Variants in USP37 observed in about 807,000 individuals in gnomAD.
The protein encoded by USP37 is ubiquitin carboxyl-terminal hydrolase 37.
Under a neutral mutation model 124.0 loss-of-function variants are expected in USP37, and 27 were observed. That is an observed-to-expected ratio of 0.22 (90% CI 0.16 to 0.30). The LOEUF is 0.30. Ranked by LOEUF, USP37 falls within the 10% of genes least tolerant of loss-of-function variation. USP37 has a pLI of 1.00. For missense variants in USP37, 889 were observed against 1,140.4 expected, an observed-to-expected ratio of 0.78 and a Z score of 3.17; for synonymous variants, 365 against 388.0, an observed-to-expected ratio of 0.94 and a Z score of 0.70.
At chr2:218,529,802 T>C (rs1424144978) in intron 10 of USP37, among the ~76,000 whole-genome samples, 154 bp downstream of exon 10, 1 of 152,176 alleles carries the variant, frequency 6.6e-6, no homozygotes, top group Admixed American at 6.5e-5. Context: ...CTAGAATACT[T>C]TCTAACTAAC....
At chr2:218,566,562 A>G (rs1693604562) in intron 1 of USP37, among the ~76,000 whole-genome samples, 1 of 152,234 alleles carries the variant, frequency 6.6e-6, no homozygotes, top group African/African-American at 2.4e-5. Flanking sequence ...ATGTAACCAG[A>G]TAGAAGAGTA....
chr2:218,525,020 G>T (rs943143717), intron 10 of USP37, among the ~76,000 whole-genome samples: 3 of 152,152 alleles, frequency 2.0e-5, no homozygotes, highest in Non-Finnish European at 4.4e-5. Flanking sequence ...TATGTCATTT[G>T]AATTTTCTAC....
intron 10 of USP37, among the ~76,000 whole-genome samples, chr2:218,528,086 C>T (rs832804): frequency 0.61 from 91,926 of 151,690 alleles, 28,054 homozygotes; most frequent in East Asian, 0.78. Flanking sequence ...CCTGTAATAC[C>T]AGCTACTTGG....
rs1212886796 is a variant in USP37 at position 218,453,385 on chromosome 2, G to A, written c.*1545C>T. ...TCAAGTGATTCTCTCATGTGATGGT[G>A]GGTTTTTAAATGTTTTTTCCTTCTG... On this transcript the variant is annotated 3_prime_UTR_variant, in exon 26 of 26. Transcript: ENST00000258399. 1 of 151,758 alleles carries A rather than the reference G, an allele frequency of 6.6e-6. No homozygotes were observed. Among genetic ancestry groups the A allele is most frequent in the Non-Finnish European group, 1.5e-5 (1 of 67,948 alleles). 9.4% of individuals were successfully genotyped at this position (151,758 alleles called of 1,614,324 possible).
intron 6 of USP37, among the ~76,000 whole-genome samples, chr2:218,548,405 A>G (rs1355477950): frequency 6.7e-6 from 1 of 150,074 alleles, no homozygotes; most frequent in African/African-American, 2.5e-5. Flanking sequence ...CAGTGGCACA[A>G]TCACTGCTTC....
rs775931607 is a variant in USP37, at chr2:218,479,630, A to T, written c.1901+20T>A. ...AAAACCTTAAACACAGATTTTGGGT[A>T]CATAAGAAATATAACTCACTTTGAA... On this transcript the variant is annotated intron_variant, in intron 18 of 25. Coordinates refer to ENST00000258399, the MANE Select transcript of USP37 (RefSeq NM_020935.3). 15 of 1,607,946 alleles carry T rather than the reference A, an allele frequency of 9.3e-6. No homozygotes were observed. In the African/African-American group the frequency reaches 2.0e-4, roughly 22 times the overall value.
chr2:218,483,657 T>C (rs552130485), intron 16 of USP37, among the ~76,000 whole-genome samples: 88 of 151,316 alleles, frequency 5.8e-4, no homozygotes, highest in Non-Finnish European at 1.0e-3. Context: ...AGCATTTTTT[T>C]CCCCCCACTT....
chr2:218,553,151 G>A (rs934834744), intron 5 of USP37, among the ~76,000 whole-genome samples: 2 of 152,186 alleles, frequency 1.3e-5, no homozygotes, highest in African/African-American at 4.8e-5. Flanking sequence ...AGGTATTCCT[G>A]CCTTGCTAAT....
chr2:218,497,824 G>A lies in USP37; in HGVS notation c.1191C>T (p.Ile397=), dbSNP rs144757879. The change falls in exon 13 of 26, where the codon ATC becomes ATT. Residue 397 remains isoleucine (I), a synonymous_variant. Transcript: ENST00000258399. ...AATCCTTTTTGGTCTCTGAATTACA[G>A]ATATCTTTTTTAACAAGCAAGTGTG... ...RFAHLLVKKD[I]CNSETKKDLL... is the part of the protein sequence containing the mutation. 6.2e-7 allele frequency: 1 copy of A among 1,613,984 alleles called. No homozygotes were observed.
intron 19 of USP37, among the ~76,000 whole-genome samples, 197 bp from the exon 20 acceptor site, chr2:218,475,082 AT>A (rs1424724703): frequency 1.3e-5 from 2 of 152,236 alleles, no homozygotes; most frequent in African/African-American, 4.8e-5. Context: ...AGAATACATT[AT>A]TTTTTCTTGA....
intron 10 of USP37, among the ~76,000 whole-genome samples, chr2:218,523,718 T>C (rs1690797049): frequency 6.6e-6 from 1 of 152,134 alleles, no homozygotes. Context: ...GAACCCGGCC[T>C]AGAGCACTTT....
chr2:218,500,487 T>A (rs1024262542), intron 11 of USP37, among the ~76,000 whole-genome samples: 2 of 151,980 alleles, frequency 1.3e-5, no homozygotes, highest in South Asian at 2.1e-4. Flanking sequence ...GAACTCCTGA[T>A]CTGCCCGCCT....
At chr2:218,501,893 G>A (rs1689407744) in intron 11 of USP37, among the ~76,000 whole-genome samples, 1 of 152,152 alleles carries the variant, frequency 6.6e-6, no homozygotes, top group Non-Finnish European at 1.5e-5. Context: ...GGAAAAGAAT[G>A]TTTACTATGG....
chr2:218,494,306 T>G (rs1197767730), intron 14 of USP37, among the ~76,000 whole-genome samples: 1 of 152,228 alleles, frequency 6.6e-6, no homozygotes, highest in African/African-American at 2.4e-5. Flanking sequence ...CCAATATGGA[T>G]TATGAATATT....
In USP37 at chr2:218,479,645, C is replaced by T; in HGVS notation, c.1901+5G>A. The T allele has an allele frequency of 6.2e-7, 1 of 1,612,050 alleles. No individual in the cohort carries two copies. Among genetic ancestry groups the T allele is most frequent in the Non-Finnish European group, 8.5e-7 (1 of 1,178,700 alleles). On this transcript the variant is annotated splice_donor_5th_base_variant and intron_variant, in intron 18 of 25. Transcript: ENST00000258399. ...GATTTTGGGTACATAAGAAATATAA[C>T]TCACTTTGAAGGTGTAGAAGGGCTG...
intron 10 of USP37, among the ~76,000 whole-genome samples, chr2:218,521,150 C>T (rs1690591614): frequency 6.6e-6 from 1 of 152,116 alleles, no homozygotes; most frequent in Non-Finnish European, 1.5e-5. Context: ...GTGGCCTCCC[C>T]AAAAGCTGAC....
intron 1 of USP37, among the ~76,000 whole-genome samples, chr2:218,567,914 CA>C (rs1399239371): frequency 1.3e-5 from 2 of 152,128 alleles, no homozygotes; most frequent in Non-Finnish European, 2.9e-5. Context: ...AGGCGAACGA[CA>C]ACAGCCCCAG....
chr2:218,481,914 A>G (rs1208509889), intron 17 of USP37, among the ~76,000 whole-genome samples, 156 bp downstream of exon 17: 3 of 152,106 alleles, frequency 2.0e-5, no homozygotes, highest in African/African-American at 7.2e-5. Flanking sequence ...TCAGCCTCCC[A>G]AAGTGCTGGG....
intron 11 of USP37, among the ~76,000 whole-genome samples, chr2:218,506,326 T>C (rs183869419): frequency 7.3e-6 from 1 of 136,572 alleles, no homozygotes; most frequent in East Asian, 2.3e-4. Flanking sequence ...AGTGTCACTC[T>C]GTCACTCAGG....
Sources: allele counts gnomAD v4.1 joint callset (sites outside exome capture counted in the v4.1 genomes callset), GRCh38; gene constraint gnomAD v4.1.1; transcripts MANE v1.5; gene names NCBI Gene and HGNC (gene_info 2026-07-23, HGNC 2026-07-21).